The following NECAB1 variants were observed in gnomAD, a reference collection of about 807,000 sequenced individuals.
The protein encoded by NECAB1 is N-terminal EF-hand calcium binding protein 1, also known as N-terminal EF-hand calcium-binding protein 1.
A neutral mutation model predicts 57.5 loss-of-function variants in NECAB1; 29 were observed. That is an observed-to-expected ratio of 0.50 (90% CI 0.38 to 0.69). The LOEUF (loss-of-function observed/expected upper bound fraction) is 0.69, where lower values mean the gene tolerates loss of function less well. NECAB1 is among the 30% of genes least tolerant of loss of function. The pLI is 0.00. For missense variants in NECAB1, 372 were observed against 413.8 expected, an observed-to-expected ratio of 0.90 and a Z score of 0.88; for synonymous variants, 142 against 147.7, an observed-to-expected ratio of 0.96 and a Z score of 0.28.
chr8:90,934,144 AAC>A (rs1329710288), intron 8 of NECAB1, among the ~76,000 whole-genome samples, 158 bp from the exon 9 acceptor site: 1 of 152,186 alleles, frequency 6.6e-6, no homozygotes, highest in Non-Finnish European at 1.5e-5. Flanking sequence ...TCTTTATTGG[AAC>A]AGCTGAGTTT....
intron 2 of NECAB1, among the ~76,000 whole-genome samples, chr8:90,816,241 A>G (rs1812059596): frequency 6.6e-6 from 1 of 151,862 alleles, no homozygotes; most frequent in South Asian, 2.1e-4. Context: ...TTCTTTGTAT[A>G]TTATGGATAT....
intron 5 of NECAB1, among the ~76,000 whole-genome samples, chr8:90,895,583 TAAC>T (rs1284066109): frequency 2.6e-5 from 4 of 152,224 alleles, no homozygotes; most frequent in Non-Finnish European, 5.9e-5. Context: ...AATAATATAA[TAAC>T]AGCATTTTCT....
At chr8:90,910,010 G>T (rs2740798) in intron 5 of NECAB1, among the ~76,000 whole-genome samples, 80,103 of 151,526 alleles carry the variant, frequency 0.53, 24,681 homozygotes, top group African/African-American at 0.83. Flanking sequence ...TGTTATTTTT[G>T]ATTTTAAAAG....
chr8:90,952,527 C>G (rs1810942206), intron 12 of NECAB1, among the ~76,000 whole-genome samples: 1 of 152,004 alleles, frequency 6.6e-6, no homozygotes, highest in Non-Finnish European at 1.5e-5. Flanking sequence ...GCCTGTAATC[C>G]CAGCACTTTG....
At chr8:90,872,697 A>AT (rs1288580945) in intron 4 of NECAB1, among the ~76,000 whole-genome samples, 1 of 152,178 alleles carries the variant, frequency 6.6e-6, no homozygotes, top group African/African-American at 2.4e-5. Context: ...ATAGTTAAAG[A>AT]TTAGAAATAT....
intron 3 of NECAB1, among the ~76,000 whole-genome samples, chr8:90,869,747 C>G (rs1310904655): frequency 1.3e-5 from 2 of 152,092 alleles, no homozygotes; most frequent in African/African-American, 4.8e-5. Context: ...AAGGGACTTG[C>G]CTTGTCTCAG....
chr8:90,795,257 A>T (rs1398330187), intron 1 of NECAB1, among the ~76,000 whole-genome samples: 1 of 152,244 alleles, frequency 6.6e-6, no homozygotes, highest in East Asian at 1.9e-4. Flanking sequence ...CCTTCAACTC[A>T]TCCCCAAAAG....
chr8:90,924,998 T>G (rs1810224919), intron 6 of NECAB1, among the ~76,000 whole-genome samples: 2 of 151,786 alleles, frequency 1.3e-5, no homozygotes, highest in Admixed American at 6.6e-5. Flanking sequence ...CATATGCTAC[T>G]TTCATATCAT....
intron 7 of NECAB1, among the ~76,000 whole-genome samples, chr8:90,925,908 G>A (rs756360827): frequency 6.6e-6 from 1 of 152,094 alleles, no homozygotes; most frequent in African/African-American, 2.4e-5. Context: ...GAAGGCAGTA[G>A]CTTCATCAGC....
chr8:90,902,551 T>G (rs1809533730), intron 5 of NECAB1, among the ~76,000 whole-genome samples: 1 of 152,158 alleles, frequency 6.6e-6, no homozygotes, highest in Non-Finnish European at 1.5e-5. Context: ...ACACATAAAT[T>G]ATATATATAA....
intron 12 of NECAB1, among the ~76,000 whole-genome samples, chr8:90,954,352 A>G (rs1427004577): frequency 6.6e-6 from 1 of 152,126 alleles, no homozygotes; most frequent in Non-Finnish European, 1.5e-5. Context: ...AATATATTCC[A>G]ATGACCTCTC....
Position 90,925,996 on chromosome 8 carries a change from G to A in NECAB1, c.616+340G>A, listed in dbSNP as rs1810259356. On this transcript the variant is annotated intron_variant, in intron 7 of 12. Transcript: ENST00000417640. ...AGGGACTCTACCCTAATATGCTCTA[G>A]ATCTCCAAGCCTCCCTAAGCCTATC... Among the ~76,000 whole-genome samples, 2 of 152,160 alleles carry A rather than the reference G, an allele frequency of 1.3e-5. 1 individual carries two copies. Among genetic ancestry groups the A allele is most frequent in the South Asian group, 4.1e-4 (2 of 4,836 alleles).
intron 2 of NECAB1, among the ~76,000 whole-genome samples, chr8:90,811,783 C>A (rs980170354): frequency 6.6e-6 from 1 of 152,154 alleles, no homozygotes; most frequent in Admixed American, 6.5e-5. Context: ...TAGAACCCAT[C>A]CCACCAGTTC....
chr8:90,925,468 A>T, intron 6 of NECAB1, 67 bp from the exon 7 acceptor site: 1 of 1,543,622 alleles, frequency 6.5e-7, no homozygotes, highest in South Asian at 1.2e-5. Flanking sequence ...ACGCATGAAG[A>T]TCTCTTCCCT....
intron 6 of NECAB1, among the ~76,000 whole-genome samples, chr8:90,924,460 G>T (rs1377411237): frequency 2.6e-5 from 4 of 152,112 alleles, no homozygotes; most frequent in Non-Finnish European, 5.9e-5. Flanking sequence ...AAAATTTTTG[G>T]ATGAGTACAT....
chr8:90,946,219 C>G (rs1410799029), intron 10 of NECAB1, among the ~76,000 whole-genome samples: 1 of 152,228 alleles, frequency 6.6e-6, no homozygotes, highest in Non-Finnish European at 1.5e-5. Context: ...CTGGTTAGCA[C>G]TTTCACCCAT....
Position 90,791,785 on chromosome 8 carries a change from C to A in NECAB1, c.-102C>A. ...GCGGGAGCGAACACCCTCCCGGATC[C>A]AGAGCCCGGCGGCGGCGAAGCAGCA... On this transcript the variant is annotated 5_prime_UTR_variant, in exon 1 of 13. Coordinates refer to ENST00000417640, the MANE Select transcript of NECAB1 (RefSeq NM_022351.5). 1 of 905,892 alleles carries A rather than the reference C, an allele frequency of 1.1e-6. No individual in the cohort carries two copies. The highest frequency in any genetic ancestry group is 1.6e-5 in the South Asian group (1 of 64,486). 56.1% of individuals were successfully genotyped at this position (905,892 alleles called of 1,614,324 possible).
At chr8:90,795,102 AATGGACT>A (rs1296933470) in intron 1 of NECAB1, among the ~76,000 whole-genome samples, 1 of 152,186 alleles carries the variant, frequency 6.6e-6, no homozygotes, top group Non-Finnish European at 1.5e-5. Context: ...CTTTTACACC[AATGGACT>A]ATCATTTCCC....
intron 3 of NECAB1, among the ~76,000 whole-genome samples, chr8:90,864,411 C>T (rs1474889847): frequency 6.6e-6 from 1 of 151,934 alleles, no homozygotes; most frequent in Non-Finnish European, 1.5e-5. Context: ...CAGCAACAAA[C>T]ACAAATGAAC....
Sources: gnomAD v4.1 joint callset for allele counts (sites outside exome capture counted in the v4.1 genomes callset) on GRCh38, gnomAD v4.1.1 for gene constraint, MANE v1.5 for transcripts, NCBI Gene and HGNC (gene_info 2026-07-23, HGNC 2026-07-21) for gene names.